LRRC4C: variants seen among roughly 807,000 people sequenced by gnomAD.
LRRC4C encodes the protein leucine-rich repeat-containing protein 4C.
In LRRC4C, 5 loss-of-function variants were observed where a neutral mutation model predicts 33.6. The observed-to-expected ratio is 0.15, with a 90% CI of 0.08 to 0.31. LRRC4C has a LOEUF of 0.31. Among genes scored for constraint, LRRC4C ranks in the 10% least tolerant of loss-of-function variants. LRRC4C has a pLI of 1.00. For missense variants in LRRC4C, 560 were observed against 796.7 expected, an observed-to-expected ratio of 0.70 and a Z score of 3.58; for synonymous variants, 329 against 302.0, an observed-to-expected ratio of 1.09 and a Z score of -0.93.
intron 5 of LRRC4C, among the ~76,000 whole-genome samples, chr11:40,204,580 A>G (rs1863006880): frequency 6.6e-6 from 1 of 152,124 alleles, no homozygotes; most frequent in Admixed American, 6.5e-5. Flanking sequence ...AGAGTTGAAC[A>G]TTCCTGCCTT....
At chr11:41,259,130 G>A (rs1948894309) in intron 1 of LRRC4C, among the ~76,000 whole-genome samples, 1 of 151,986 alleles carries the variant, frequency 6.6e-6, no homozygotes, top group South Asian at 2.1e-4. Flanking sequence ...GTTGAGGGCA[G>A]TGAGAGTTTA....
chr11:40,605,614 A>C (rs1182058395), intron 3 of LRRC4C, among the ~76,000 whole-genome samples: 1 of 152,324 alleles, frequency 6.6e-6, no homozygotes, highest in East Asian at 1.9e-4. Flanking sequence ...CTGGGGGAAG[A>C]AAAGAAAAGA....
intron 2 of LRRC4C, among the ~76,000 whole-genome samples, chr11:40,705,084 G>A (rs1020739735): frequency 1.8e-4 from 28 of 152,098 alleles, no homozygotes; most frequent in African/African-American, 6.5e-4. Context: ...ACAATCCAAT[G>A]TGGTAGTTTC....
chr11:40,212,273 T>C (rs763553393), intron 5 of LRRC4C, among the ~76,000 whole-genome samples: 24 of 152,156 alleles, frequency 1.6e-4, no homozygotes, highest in Non-Finnish European at 3.1e-4. Context: ...GGACATCTGT[T>C]AATTTTCATG....
chr11:41,414,537 CT>C (rs911294308), intron 1 of LRRC4C, among the ~76,000 whole-genome samples: 19 of 149,344 alleles, frequency 1.3e-4, no homozygotes, highest in East Asian at 3.9e-4. Context: ...AAAAATGGCT[CT>C]TTTTTTTTTC....
rs535942770 is a variant in LRRC4C at position 41,303,151 on chromosome 11, G to A, written c.-496+156280C>T. On this transcript the variant is annotated intron_variant, in intron 1 of 6. Transcript: ENST00000528697. ...CACGGTCTCCCTCTCATGCGGAGCC[G>A]AAGCTGGACTGTACTGCTGCCATCT... 3.1e-5 allele frequency among the ~76,000 whole-genome samples: 4 copies of A among 129,566 alleles called. No individual in the cohort carries two copies. The South Asian group carries it at 8.6e-4, about 28-fold the overall frequency. 85.0% of individuals were successfully genotyped at this position (129,566 alleles called of 152,430 possible).
chr11:40,297,800 T>C (rs1263012487), intron 4 of LRRC4C, among the ~76,000 whole-genome samples: 2 of 152,182 alleles, frequency 1.3e-5, no homozygotes, highest in Non-Finnish European at 2.9e-5. Context: ...ATGAAGTAGG[T>C]GCCATTGATG....
rs115676667 is a variant in LRRC4C, at chr11:41,207,601, C to T, written c.-496+251830G>A. Among the ~76,000 whole-genome samples the T allele has an allele frequency of 9.0e-3, 1,365 of 152,076 alleles. 19 individuals carry two copies. The highest frequency in any genetic ancestry group is 0.031 in the African/African-American group (1,267 of 41,500). ...CACCCATCTCCTCCACTGCCACTTT[C>T]CCTCTCCCTCTCTTTTTCCCTCTCC... On this transcript the variant is annotated intron_variant, in intron 1 of 6. Transcript: ENST00000528697.
intron 5 of LRRC4C, among the ~76,000 whole-genome samples, chr11:40,238,314 A>T (rs1467829816): frequency 6.6e-6 from 1 of 152,176 alleles, no homozygotes; most frequent in Non-Finnish European, 1.5e-5. Flanking sequence ...GTAAGTTTTG[A>T]ATGTATTTCA....
rs1259773404 is a variant in LRRC4C, at chr11:40,190,849, C to T, written c.-95-49996G>A. On this transcript the variant is annotated intron_variant, in intron 5 of 6. Transcript: ENST00000528697. ...ATGATAGAAAATTGGATTTTTATATCATTTTTCTCAACGCATTTTCAAAAG... is the reference window on the plus strand; with the variant it reads ...ATGATAGAAAATTGGATTTTTATATTATTTTTCTCAACGCATTTTCAAAAG... 2.6e-5 allele frequency among the ~76,000 whole-genome samples: 4 copies of T among 152,218 alleles called. No homozygotes were observed. The East Asian group carries it at 7.7e-4, about 29-fold the overall frequency.
At chr11:40,556,388 T>A (rs1013940065) in intron 3 of LRRC4C, among the ~76,000 whole-genome samples, 2 of 152,212 alleles carry the variant, frequency 1.3e-5, no homozygotes, top group Non-Finnish European at 2.9e-5. Flanking sequence ...AGACAGAATG[T>A]AGAAAGAGAA....
At chr11:40,820,213 A>C (rs1475547451) in intron 2 of LRRC4C, among the ~76,000 whole-genome samples, 4 of 152,090 alleles carry the variant, frequency 2.6e-5, no homozygotes, top group African/African-American at 9.7e-5. Context: ...TTTAGCAGAC[A>C]AATGCTTGAA....
At chr11:40,479,914 A>G (rs1953457980) in intron 3 of LRRC4C, among the ~76,000 whole-genome samples, 2 of 152,338 alleles carry the variant, frequency 1.3e-5, no homozygotes, top group African/African-American at 4.8e-5. Flanking sequence ...TTTGTATAAC[A>G]AAAGCATTTG....
intron 4 of LRRC4C, among the ~76,000 whole-genome samples, chr11:40,247,362 C>T (rs1374842626): frequency 6.6e-6 from 1 of 152,160 alleles, no homozygotes; most frequent in Non-Finnish European, 1.5e-5. Context: ...CTTTTAGTGT[C>T]TCCCAACACA....
chr11:40,988,123 G>A, intron 1 of LRRC4C, among the ~76,000 whole-genome samples: 1 of 152,126 alleles, frequency 6.6e-6, no homozygotes, highest in Non-Finnish European at 1.5e-5. Flanking sequence ...GCTCACAGGA[G>A]TAAAGCATTT....
chr11:40,206,068 T>G (rs959352632), intron 5 of LRRC4C, among the ~76,000 whole-genome samples: 3 of 152,282 alleles, frequency 2.0e-5, no homozygotes, highest in Admixed American at 1.3e-4. Flanking sequence ...GGCTTAGAGC[T>G]CTTCAAGGGC....
chr11:41,196,804 G>C (rs905680873), intron 1 of LRRC4C, among the ~76,000 whole-genome samples: 1 of 151,864 alleles, frequency 6.6e-6, no homozygotes, highest in African/African-American at 2.4e-5. Flanking sequence ...TTTCTTTCAG[G>C]TCAGCTTCAC....
At chr11:41,135,019 G>A (rs1241450425) in intron 1 of LRRC4C, among the ~76,000 whole-genome samples, 3 of 152,042 alleles carry the variant, frequency 2.0e-5, no homozygotes, top group Non-Finnish European at 2.9e-5. Flanking sequence ...GTCTCATTGA[G>A]AGACATCATG....
chr11:41,160,485 A>G (rs2136021722), intron 1 of LRRC4C, among the ~76,000 whole-genome samples: 1 of 152,200 alleles, frequency 6.6e-6, no homozygotes, highest in African/African-American at 2.4e-5. Flanking sequence ...ATTCTCAGCA[A>G]TTTGAATTTG....
Sources: allele counts gnomAD v4.1 joint callset (sites outside exome capture counted in the v4.1 genomes callset), GRCh38; gene constraint gnomAD v4.1.1; transcripts MANE v1.5; gene names NCBI Gene and HGNC (gene_info 2026-07-23, HGNC 2026-07-21).